Variants in IQCK observed in about 807,000 individuals in gnomAD.
IQCK encodes IQ domain-containing protein K.
Under a neutral mutation model 28.1 loss-of-function variants are expected in IQCK, and 29 were observed. The observed-to-expected ratio is 1.03, with a 90% CI of 0.77 to 1.41. The LOEUF (loss-of-function observed/expected upper bound fraction) is 1.41. Among genes scored for constraint, IQCK ranks in the 40% most tolerant of loss-of-function variants. IQCK has a pLI of 0.00. For synonymous variants in IQCK, 113 were observed against 115.1 expected (o/e 0.98, Z 0.12); for missense variants, 359 against 314.7 (o/e 1.14, Z -1.07).
chr16:19,768,208 A>C (rs2055269739), intron 6 of IQCK, among the ~76,000 whole-genome samples: 1 of 152,174 alleles, frequency 6.6e-6, no homozygotes, highest in Non-Finnish European at 1.5e-5. Context: ...TGTAGGTACT[A>C]AAGCTGGGAG....
At chr16:19,769,132 C>T (rs1352372080) in intron 6 of IQCK, among the ~76,000 whole-genome samples, 2 of 152,172 alleles carry the variant, frequency 1.3e-5, no homozygotes, top group Non-Finnish European at 2.9e-5. Flanking sequence ...TGACTGGCCT[C>T]CTTCAGAGTG....
intron 4 of IQCK, among the ~76,000 whole-genome samples, chr16:19,752,673 C>T (rs2055002102): frequency 6.6e-6 from 1 of 152,158 alleles, no homozygotes; most frequent in South Asian, 2.1e-4. Context: ...ACGATCCTCC[C>T]ACCTCAGCCT....
intron 6 of IQCK, among the ~76,000 whole-genome samples, chr16:19,770,750 G>A (rs2055309433): frequency 6.6e-6 from 1 of 152,156 alleles, no homozygotes; most frequent in African/African-American, 2.4e-5. Context: ...ACCCTCCCAA[G>A]TAGCTGGGAT....
In IQCK at chr16:19,725,014, T is replaced by C. The variant is rs988653113; in HGVS notation, c.182-5416T>C. On this transcript the variant is annotated intron_variant, in intron 1 of 7. Coordinates refer to ENST00000564186, the Ensembl canonical transcript of IQCK. Reference sequence around the variant, plus strand: ...TCTGCCAACAAGTTTCCGGGCTCCTTCTGCTCTGCCTCTCCTAAAATGTTG... The same window carrying C: ...TCTGCCAACAAGTTTCCGGGCTCCTCCTGCTCTGCCTCTCCTAAAATGTTG... Among the ~76,000 whole-genome samples, 3 of 152,126 alleles carry C rather than the reference T, an allele frequency of 2.0e-5. No individual in the cohort carries two copies. The South Asian group carries it at 6.2e-4, about 32-fold the overall frequency.
At chr16:19,853,993 T>A (rs1009529332) in intron 9 of IQCK, among the ~76,000 whole-genome samples, 2 of 152,210 alleles carry the variant, frequency 1.3e-5, no homozygotes, top group Admixed American at 6.5e-5. Context: ...ATGATGTTAA[T>A]AAGTTGAGGG....
At chr16:19,764,161 T>A (rs774906098) in intron 6 of IQCK, 49 bp downstream of exon 6, 1 of 1,423,286 alleles carries the variant, frequency 7.0e-7, no homozygotes, top group Non-Finnish European at 9.8e-7. Flanking sequence ...TTTAAGATTG[T>A]GTTAATAATA....
chr16:19,744,200 T>C (rs888289506), intron 4 of IQCK, among the ~76,000 whole-genome samples: 2 of 152,262 alleles, frequency 1.3e-5, no homozygotes, highest in African/African-American at 4.8e-5. Context: ...ACTATGAATT[T>C]AATATAGTTT....
At chr16:19,810,000 C>T (rs1263691355) in intron 7 of IQCK, among the ~76,000 whole-genome samples, 1 of 152,144 alleles carries the variant, frequency 6.6e-6, no homozygotes, top group Admixed American at 6.5e-5. Context: ...AATCCTGAAG[C>T]CAGCAGTTAA....
In IQCK at chr16:19,747,691, C is replaced by G. The variant is rs1567541278; in HGVS notation, c.474+12241C>G. Among the ~76,000 whole-genome samples, 4 of 152,262 alleles carry G rather than the reference C, an allele frequency of 2.6e-5. 1 individual carries two copies. The South Asian group carries it at 8.3e-4, about 32-fold the overall frequency. On this transcript the variant is annotated intron_variant, in intron 4 of 7. Coordinates refer to ENST00000564186, the Ensembl canonical transcript of IQCK. The stretch of plus-strand genomic sequence containing the variant: ...CTGTCTGTCATTCCACTCTATCCAT[C>G]TGTGTATAGACAGGTTTTAGCACCC...
intron 9 of IQCK, among the ~76,000 whole-genome samples, chr16:19,845,558 A>T (rs1223863289): frequency 6.6e-6 from 1 of 152,250 alleles, no homozygotes; most frequent in Non-Finnish European, 1.5e-5. Context: ...TTTAAACTGC[A>T]GCACTAAAAC....
At chr16:19,837,402 A>G (rs904988100) in intron 9 of IQCK, among the ~76,000 whole-genome samples, 1 of 152,138 alleles carries the variant, frequency 6.6e-6, no homozygotes, top group South Asian at 2.1e-4. Flanking sequence ...CCCTGTCTCA[A>G]AAAAATAAAA....
rs551384069 is a variant in IQCK, at chr16:19,818,125, G to A, written c.691-8901G>A. Among the ~76,000 whole-genome samples the A allele has an allele frequency of 3.3e-5, 5 of 152,204 alleles. No homozygotes were observed. The East Asian group carries it at 9.7e-4, about 29-fold the overall frequency. ...TGCCCTTCGCCTCTAGGAGGGTTTG[G>A]GTTGCTGAGATCACAGCTAAAGTTA... On this transcript the variant is annotated intron_variant, in intron 7 of 7. Coordinates refer to ENST00000564186, the Ensembl canonical transcript of IQCK.
At chr16:19,776,834 C>T (rs1333999153) in intron 6 of IQCK, among the ~76,000 whole-genome samples, 2 of 152,272 alleles carry the variant, frequency 1.3e-5, no homozygotes, top group East Asian at 3.9e-4. Flanking sequence ...CGGCCTTAGT[C>T]CTGTTTATTA....
intron 1 of IQCK, among the ~76,000 whole-genome samples, chr16:19,721,169 A>T (rs370106066): frequency 1.3e-5 from 2 of 152,364 alleles, no homozygotes; most frequent in East Asian, 3.9e-4. Flanking sequence ...GACAACAAAC[A>T]TGAAAAAACA....
chr16:19,771,024 T>C (rs976484820), intron 6 of IQCK, among the ~76,000 whole-genome samples: 4 of 152,240 alleles, frequency 2.6e-5, no homozygotes, highest in African/African-American at 9.6e-5. Flanking sequence ...GCAAAATCCT[T>C]GACTTAATCG....
At chr16:19,777,220 A>G (rs755035985) in intron 6 of IQCK, among the ~76,000 whole-genome samples, 2 of 152,192 alleles carry the variant, frequency 1.3e-5, no homozygotes, top group Non-Finnish European at 2.9e-5. Context: ...GGGGGAACCT[A>G]TGATATGTTC....
chr16:19,834,480 A>G (rs1183070351), intron 9 of IQCK, among the ~76,000 whole-genome samples: 1 of 152,212 alleles, frequency 6.6e-6, no homozygotes, highest in Non-Finnish European at 1.5e-5. Flanking sequence ...GGTCCAGTGC[A>G]AAGCTTCTCA....
intron 6 of IQCK, among the ~76,000 whole-genome samples, chr16:19,769,003 G>T (rs1184754677): frequency 6.6e-6 from 1 of 152,086 alleles, no homozygotes; most frequent in African/African-American, 2.4e-5. Flanking sequence ...GGCCCAACTG[G>T]GGCTGGAGGT....
exon 4 of IQCK, chr16:19,735,394 C>G (rs933737235): frequency 6.2e-7 from 1 of 1,613,954 alleles, no homozygotes; most frequent in African/African-American, 1.3e-5. Context: ...CTTTCCTGTT[C>G]TGCTTCCCGG....
Sources: allele counts gnomAD v4.1 joint callset (sites outside exome capture counted in the v4.1 genomes callset), GRCh38; gene constraint gnomAD v4.1.1; transcripts MANE v1.5; gene names NCBI Gene and HGNC (gene_info 2026-07-23, HGNC 2026-07-21).